The following TET1 variants were observed in gnomAD, a reference collection of about 807,000 sequenced individuals.
TET1 encodes the protein tet methylcytosine dioxygenase 1.
In TET1, 13 loss-of-function variants were observed where a neutral mutation model predicts 148.7. The ratio of observed to expected loss-of-function variants is 0.09; its 90% confidence interval spans 0.06 to 0.14. TET1 has a LOEUF of 0.14. TET1 is among the 10% of genes least tolerant of loss of function. TET1 has a pLI of 1.00. For synonymous variants in TET1, 907 were observed against 937.2 expected (o/e 0.97, Z 0.59); for missense variants, 2,182 against 2,553.8 (o/e 0.85, Z 3.14).
At chr10:68,600,554 G>A (rs2054041966) in intron 2 of TET1, among the ~76,000 whole-genome samples, 1 of 152,156 alleles carries the variant, frequency 6.6e-6, no homozygotes, top group Admixed American at 6.5e-5. Context: ...TGCACTCTTT[G>A]TGGGGCTGTT....
At chr10:68,669,242 C>T (rs1403524703) in intron 7 of TET1, among the ~76,000 whole-genome samples, 1 of 43,482 alleles carries the variant, frequency 2.3e-5, no homozygotes, top group Non-Finnish European at 9.2e-5. Flanking sequence ...CTTCCCCTCA[C>T]CACCCCCCAC....
chr10:68,600,984 A>G lies in TET1; in HGVS notation c.1918A>G (p.Ile640Val). 2 of 1,603,796 alleles carry G rather than the reference A, an allele frequency of 1.2e-6. No homozygotes were observed. Among genetic ancestry groups the G allele is most frequent in the Non-Finnish European group, 1.7e-6 (2 of 1,177,892 alleles). Residue 640 changes from isoleucine to valine, a missense_variant, in exon 3 of 12, where the codon ATA becomes GTA. Ile to Val is a conservative substitution (Grantham distance 29). Coordinates refer to ENST00000373644, the MANE Select transcript of TET1 (RefSeq NM_030625.3). Reference protein sequence around the residue: ...KPSVVVPLEVIKENKRPQREK... With the variant: ...KPSVVVPLEVVKENKRPQREK... The stretch of plus-strand genomic sequence containing the variant: ...TTTGCAATTTGATTTTTTTTAGGTT[A>G]TAAAGGAAAACAAGAGGCCCCAGAG...
intron 2 of TET1, among the ~76,000 whole-genome samples, chr10:68,599,347 A>T (rs554013074): frequency 1.4e-4 from 22 of 152,346 alleles, no homozygotes; most frequent in Non-Finnish European, 3.1e-4. Flanking sequence ...GCAGCTGTCA[A>T]GGTGGCTGTG....
chr10:68,642,960 T>C (rs2054781112), intron 3 of TET1, among the ~76,000 whole-genome samples: 1 of 152,052 alleles, frequency 6.6e-6, no homozygotes, highest in South Asian at 2.1e-4. Context: ...TAAATTCATC[T>C]CAATAAGAAA....
chr10:68,624,818 G>A (rs111959447), intron 3 of TET1, among the ~76,000 whole-genome samples: 8 of 147,782 alleles, frequency 5.4e-5, no homozygotes, highest in Admixed American at 2.0e-4. Context: ...TGCAAGCTCC[G>A]CCTTCCGGGT....
In TET1 at chr10:68,667,080, T is replaced by C. The variant is rs1238982791; in HGVS notation, c.4497T>C (p.Leu1499=). The C allele has an allele frequency of 6.2e-7, 1 of 1,613,930 alleles. No individual in the cohort carries two copies. Among genetic ancestry groups the C allele is most frequent in the African/African-American group, 1.3e-5 (1 of 74,918 alleles). Residue 1499 remains leucine (L), a synonymous_variant, in exon 7 of 12, where the codon CTT becomes CTC. Transcript: ENST00000373644. ...GAAGCAGTGATGAAGAAAAAGTTCT[T>C]TGTTTGGTCCGGCAGCGTACAGGCC... ...LRRSSDEEKV[L]CLVRQRTGHH...
rs1361717255 is a variant in TET1, at chr10:68,574,143, A to G, written c.1805A>G (p.Asn602Ser). 1 of 1,614,008 alleles carries G rather than the reference A, an allele frequency of 6.2e-7. No individual in the cohort carries two copies. Among genetic ancestry groups the G allele is most frequent in the East Asian group, 2.2e-5 (1 of 44,878 alleles). The stretch of plus-strand genomic sequence containing the variant: ...TGTGAACCCTGCCAGCAGAAGACCA[A>G]CTGTGGTGAATGCACTTACTGCAAG... Reference protein sequence around the residue: ...GVCEPCQQKTNCGECTYCKNR... With the variant: ...GVCEPCQQKTSCGECTYCKNR... The change falls in exon 2 of 12, where the codon AAC becomes AGC. Residue 602 changes from asparagine to serine, a missense_variant. Physicochemically the swap from Asn to Ser is conservative, Grantham distance 46. Coordinates refer to ENST00000373644, the MANE Select transcript of TET1 (RefSeq NM_030625.3).
intron 4 of TET1, 72 bp from the exon 5 acceptor site, chr10:68,651,774 T>A (rs1022135633): frequency 5.3e-6 from 6 of 1,127,930 alleles, no homozygotes; most frequent in Non-Finnish European, 7.5e-6. Context: ...ACAAAAAGTA[T>A]AAAAGTAGCT....
chr10:68,628,505 A>G (rs2054521993), intron 3 of TET1, among the ~76,000 whole-genome samples: 1 of 152,204 alleles, frequency 6.6e-6, no homozygotes, highest in Non-Finnish European at 1.5e-5. Context: ...AAGCACCAAG[A>G]TCTGTCCTTG....
intron 6 of TET1, among the ~76,000 whole-genome samples, chr10:68,659,477 C>T (rs2055074151): frequency 6.6e-6 from 1 of 152,076 alleles, no homozygotes; most frequent in Non-Finnish European, 1.5e-5. Context: ...TGCCACCATG[C>T]TCAGCTAATT....
intron 2 of TET1, among the ~76,000 whole-genome samples, chr10:68,575,799 A>C (rs1364079727): frequency 6.6e-6 from 1 of 152,010 alleles, no homozygotes; most frequent in Non-Finnish European, 1.5e-5. Context: ...AGGTGGGCCG[A>C]TCACAAGGTC....
chr10:68,609,410 C>T (rs1372907744), intron 3 of TET1, among the ~76,000 whole-genome samples: 2 of 152,146 alleles, frequency 1.3e-5, no homozygotes, highest in Admixed American at 1.3e-4. Flanking sequence ...ATCCACCCTC[C>T]TCGGCCTCCC....
intron 3 of TET1, among the ~76,000 whole-genome samples, chr10:68,639,808 A>G (rs1262824192): frequency 2.0e-5 from 3 of 152,090 alleles, no homozygotes; most frequent in Non-Finnish European, 4.4e-5. Flanking sequence ...GATCTTTCCT[A>G]TAGAGAAATA....
chr10:68,622,128 T>G lies in TET1; in HGVS notation c.1968+21094T>G, dbSNP rs61671032. ...TTGGCCAATATTCCCACGAATGTCC[T>G]TTTTTGGGTGCAGGATTCCATATAG... On this transcript the variant is annotated intron_variant, in intron 3 of 11. Transcript: ENST00000373644. 6.4e-3 allele frequency among the ~76,000 whole-genome samples: 978 copies of G among 152,216 alleles called. 15 individuals are homozygous for G. The highest frequency in any genetic ancestry group is 0.022 in the African/African-American group (926 of 41,510).
Position 68,651,912 on chromosome 10 carries a change from C to T in TET1, c.4343C>T (p.Ala1448Val). ...CTTGGGGCAGGACCAAGTGTTGCTGCTGTCAGGGAAATCATGGAGAATAGG... is the reference window on the plus strand; with the variant it reads ...CTTGGGGCAGGACCAAGTGTTGCTGTTGTCAGGGAAATCATGGAGAATAGG... The part of the protein sequence containing the change: ...THLGAGPSVA[A>V]VREIMENRYG... Residue 1448 changes from alanine (A) to valine (V), a missense_variant, in exon 5 of 12, where the codon GCT becomes GTT. By Grantham distance (64) the Ala-to-Val change is moderately conservative. Around this residue, in one of 11 missense-constraint regions of TET1, gnomAD observed 169 missense variants for 263.7 expected, o/e 0.64. Coordinates refer to ENST00000373644, the MANE Select transcript of TET1 (RefSeq NM_030625.3). 6.2e-7 allele frequency: 1 copy of T among 1,613,932 alleles called. No individual in the cohort carries two copies. Among genetic ancestry groups the T allele is most frequent in the South Asian group, 1.1e-5 (1 of 91,030 alleles).
chr10:68,643,261 CAAAA>C (rs59820865), intron 3 of TET1, among the ~76,000 whole-genome samples: 1 of 91,858 alleles, frequency 1.1e-5, no homozygotes, highest in Admixed American at 1.4e-4. Context: ...GACCCTGTCT[CAAAA>C]AAAAAAAAAA....
intron 11 of TET1, among the ~76,000 whole-genome samples, chr10:68,688,964 G>A (rs994302976): frequency 6.6e-6 from 1 of 152,154 alleles, no homozygotes; most frequent in African/African-American, 2.4e-5. Context: ...TGGCAGTGCA[G>A]GCATTTATAT....
chr10:68,585,251 G>T (rs185009033), intron 2 of TET1, among the ~76,000 whole-genome samples: 2 of 152,216 alleles, frequency 1.3e-5, no homozygotes, highest in East Asian at 1.9e-4. Flanking sequence ...TGATCCTCCC[G>T]TCTCGGCCTC....
intron 2 of TET1, among the ~76,000 whole-genome samples, chr10:68,593,915 A>ATTTTTTTTTTTTTT (rs3998851): frequency 2.2e-5 from 1 of 44,724 alleles, no homozygotes; most frequent in Non-Finnish European, 4.0e-5. Context: ...CGCCTGAGCT[A>ATTTTTTTTTTTTTT]TTTTTTTTTT....
Sources: allele counts gnomAD v4.1 joint callset (sites outside exome capture counted in the v4.1 genomes callset), GRCh38; gene constraint gnomAD v4.1.1; regional missense constraint gnomAD v4.1.1; transcripts MANE v1.5; gene names NCBI Gene and HGNC (gene_info 2026-07-23, HGNC 2026-07-21).